MYRIP: variants seen among roughly 807,000 people sequenced by gnomAD.
The protein encoded by MYRIP is rab effector MyRIP.
A neutral mutation model predicts 98.0 loss-of-function variants in MYRIP; 49 were observed. The observed-to-expected ratio is 0.50, with a 90% confidence interval of 0.40 to 0.63. The LOEUF (loss-of-function observed/expected upper bound fraction) is 0.63. MYRIP is among the 30% of genes least tolerant of loss of function. MYRIP has a pLI of 0.00. For missense variants in MYRIP, 1,004 were observed against 1,058.2 expected, an observed-to-expected ratio of 0.95 and a Z score of 0.71; for synonymous variants, 404 against 409.5, an observed-to-expected ratio of 0.99 and a Z score of 0.16.
At chr3:39,815,276 A>G (rs944049643) in intron 1 of MYRIP, among the ~76,000 whole-genome samples, 13 of 152,212 alleles carry the variant, frequency 8.5e-5, no homozygotes, top group African/African-American at 3.1e-4. Context: ...GAATCATACA[A>G]TAATACAGTA....
chr3:39,911,573 T>G (rs966999929), intron 2 of MYRIP, among the ~76,000 whole-genome samples: 1 of 152,226 alleles, frequency 6.6e-6, no homozygotes, highest in Middle Eastern at 3.2e-3. Context: ...AAGCATTTCT[T>G]TGGCATTACA....
chr3:40,182,396 A>T (rs1214065696), intron 9 of MYRIP, 23 bp downstream of exon 9: 1 of 1,602,542 alleles, frequency 6.2e-7, no homozygotes, highest in Non-Finnish European at 8.5e-7. Context: ...AGCAGTATCT[A>T]GTTGGTCTGT....
Position 40,130,718 on chromosome 3 carries a change from A to ATGTG in MYRIP, c.333-20316_333-20313dup, listed in dbSNP as rs57689630. 7.8e-3 allele frequency among the ~76,000 whole-genome samples: 1,172 copies of ATGTG among 150,602 alleles called. 14 individuals carry two copies. Among genetic ancestry groups the ATGTG allele is most frequent in the African/African-American group, 0.027 (1,127 of 41,158 alleles). On this transcript the variant is annotated intron_variant, in intron 3 of 16. Transcript: ENST00000302541. ...TCTACCCTCCTAAGAATATATATATATGTGTGTGTGTGTGTGTATCTCCAG... is the reference window on the plus strand; with the variant it reads ...TCTACCCTCCTAAGAATATATATATATGTGTGTGTGTGTGTGTGTGTATCTCCAG...
chr3:39,854,572 T>C (rs1942229960), intron 1 of MYRIP, among the ~76,000 whole-genome samples: 1 of 152,200 alleles, frequency 6.6e-6, no homozygotes, highest in South Asian at 2.1e-4. Flanking sequence ...TTTTTTAAGT[T>C]GGTTTTCCTC....
At chr3:39,958,889 C>T (rs1207784863) in intron 2 of MYRIP, among the ~76,000 whole-genome samples, 1 of 151,754 alleles carries the variant, frequency 6.6e-6, no homozygotes, top group Non-Finnish European at 1.5e-5. Flanking sequence ...CACTTCTCAA[C>T]AGAAGATATT....
chr3:39,809,283 T>A (rs1460109638), upstream of MYRIP, among the ~76,000 whole-genome samples: 2 of 151,642 alleles, frequency 1.3e-5, no homozygotes, highest in Non-Finnish European at 2.9e-5. Flanking sequence ...ACATGGGGGC[T>A]CCCGAACCGC....
In MYRIP at chr3:40,250,322, C is replaced by T. The variant is rs1391549431; in HGVS notation, c.2363C>T (p.Thr788Ile). The T allele has an allele frequency of 6.2e-7, 1 of 1,613,634 alleles. No individual in the cohort carries two copies. The highest frequency in any genetic ancestry group is 2.2e-5 in the East Asian group (1 of 44,896). Residue 788 changes from threonine to isoleucine, a missense_variant, in exon 14 of 17, where the codon ACC (threonine) becomes ATC (isoleucine). This residue lies in a region of MYRIP where 108 missense variants were observed against 111.1 expected (regional missense o/e 0.97). Transcript: ENST00000302541. ...AGAAGACGGGATCAGAAGCAAAGGA[C>T]CCAGGTGTGTTTGTCCCTTTCTCCC... ...FTRRRDQKQR[T>I]QVQTIDTSRQ...
intron 3 of MYRIP, among the ~76,000 whole-genome samples, chr3:40,101,272 C>A (rs1029035867): frequency 2.6e-5 from 4 of 152,140 alleles, no homozygotes; most frequent in Non-Finnish European, 5.9e-5. Flanking sequence ...TCATAAAAAG[C>A]AGCTTTCTGG....
At chr3:40,049,181 T>C (rs1947734780) in intron 3 of MYRIP, among the ~76,000 whole-genome samples, 3 of 152,178 alleles carry the variant, frequency 2.0e-5, no homozygotes, top group South Asian at 4.1e-4. Context: ...TTGTACGTCA[T>C]AGGCATATCT....
intron 2 of MYRIP, among the ~76,000 whole-genome samples, chr3:40,032,856 A>G (rs1438757809): frequency 2.6e-5 from 4 of 152,190 alleles, no homozygotes; most frequent in Admixed American, 2.6e-4. Flanking sequence ...CAGCACATCA[A>G]AAAGCTTATC....
At chr3:39,856,158 G>A (rs1296646577) in intron 1 of MYRIP, among the ~76,000 whole-genome samples, 6 of 152,198 alleles carry the variant, frequency 3.9e-5, no homozygotes, top group Non-Finnish European at 8.8e-5. Flanking sequence ...TTACACTTTG[G>A]GAACTCACAG....
chr3:39,966,378 G>T (rs1325122123), intron 2 of MYRIP, among the ~76,000 whole-genome samples: 1 of 152,128 alleles, frequency 6.6e-6, no homozygotes, highest in Non-Finnish European at 1.5e-5. Context: ...AATTCTGAAT[G>T]ACCACTATAT....
intron 2 of MYRIP, among the ~76,000 whole-genome samples, chr3:39,956,586 A>C (rs983307480): frequency 3.3e-5 from 5 of 152,202 alleles, no homozygotes; most frequent in African/African-American, 1.2e-4. Context: ...GGAAAGATCT[A>C]AAATGGACAC....
intron 1 of MYRIP, among the ~76,000 whole-genome samples, chr3:39,820,205 C>G (rs1406285948): frequency 6.6e-6 from 1 of 152,234 alleles, no homozygotes; most frequent in Non-Finnish European, 1.5e-5. Flanking sequence ...AATCTTCTGA[C>G]ACTGAATCCT....
intron 1 of MYRIP, among the ~76,000 whole-genome samples, chr3:39,842,614 T>C (rs1941836377): frequency 6.6e-6 from 1 of 152,138 alleles, no homozygotes; most frequent in Non-Finnish European, 1.5e-5. Flanking sequence ...AATCTCCTTG[T>C]CTGTGAATTG....
intron 2 of MYRIP, among the ~76,000 whole-genome samples, chr3:39,908,274 C>T (rs1335368313): frequency 2.0e-5 from 3 of 152,120 alleles, no homozygotes; most frequent in Non-Finnish European, 4.4e-5. Flanking sequence ...GCTGCCACAG[C>T]CCAGCAGCTA....
intron 2 of MYRIP, among the ~76,000 whole-genome samples, chr3:39,925,411 G>C (rs1382837119): frequency 6.6e-6 from 1 of 151,892 alleles, no homozygotes; most frequent in Non-Finnish European, 1.5e-5. Context: ...GCTGAGTTTG[G>C]GGTAGAAATG....
intron 2 of MYRIP, among the ~76,000 whole-genome samples, chr3:39,911,969 G>T (rs1418964894): frequency 6.6e-6 from 1 of 152,194 alleles, no homozygotes; most frequent in Non-Finnish European, 1.5e-5. Flanking sequence ...GACTGTCAGG[G>T]TGACTTATAA....
chr3:39,901,402 G>A (rs1216478193), intron 2 of MYRIP, among the ~76,000 whole-genome samples: 2 of 152,136 alleles, frequency 1.3e-5, no homozygotes, highest in Admixed American at 1.3e-4. Flanking sequence ...GGGATCACCT[G>A]GCTTAGCACC....
Sources: allele counts gnomAD v4.1 joint callset (sites outside exome capture counted in the v4.1 genomes callset), GRCh38; gene constraint gnomAD v4.1.1; regional missense constraint gnomAD v4.1.1; transcripts MANE v1.5; gene names NCBI Gene and HGNC (gene_info 2026-07-23, HGNC 2026-07-21).